KLRG2: variants seen among roughly 807,000 people sequenced by gnomAD.
KLRG2 encodes killer cell lectin like receptor G2.
A neutral mutation model predicts 35.4 loss-of-function variants in KLRG2; 39 were observed. That is an observed-to-expected ratio of 1.10 (90% CI 0.85 to 1.44). The LOEUF (loss-of-function observed/expected upper bound fraction) is 1.44. Ranked by LOEUF, KLRG2 falls within the 40% of genes most tolerant of loss-of-function variation. KLRG2 has a pLI of 0.00. For missense variants in KLRG2, 632 were observed against 570.9 expected (o/e 1.11, Z -1.09); for synonymous variants, 283 against 265.8 (o/e 1.06, Z -0.63).
At chr7:139,460,039 CGCGCCTG>C (rs1796542425) in intron 3 of KLRG2, among the ~76,000 whole-genome samples, 1 of 152,116 alleles carries the variant, frequency 6.6e-6, no homozygotes, top group African/African-American at 2.4e-5. Context: ...TGTGAGCCCC[CGCGCCTG>C]GCCATATTTG....
the KLRG2 span, among the ~76,000 whole-genome samples, chr7:139,428,416 A>T: frequency 7.2e-5 from 11 of 151,962 alleles, no homozygotes; most frequent in Middle Eastern, 6.8e-3. Flanking sequence ...CTAATTTTTT[A>T]AAAAATTTTT....
At chr7:139,449,130 G>C (rs543695164), downstream of KLRG2, among the ~76,000 whole-genome samples, 2 of 144,904 alleles carry the variant, frequency 1.4e-5, no homozygotes, top group African/African-American at 5.2e-5. Flanking sequence ...TGTTGGGCGT[G>C]GTGGCTCACG....
the KLRG2 span, among the ~76,000 whole-genome samples, chr7:139,430,702 C>T: frequency 2.6e-5 from 4 of 152,176 alleles, no homozygotes; most frequent in South Asian, 6.2e-4. Flanking sequence ...GCGGAAATAT[C>T]CATCAATTAG....
chr7:139,454,112 G>T lies in KLRG2; in HGVS notation c.1108C>A (p.Leu370Ile). Residue 370 changes from leucine to isoleucine, a missense_variant and splice_region_variant, in exon 4 of 5, where the codon CTA (leucine) becomes ATA (isoleucine). Coordinates refer to ENST00000340940, the MANE Select transcript of KLRG2 (RefSeq NM_198508.4). ...WIDEAPLPPQ[L>I]LPEDGEDNLD... Reference sequence around the variant, plus strand: ...GGAGAAAAGCCCGTGGTCACTCACAGCTGGGGCGGGAGTGGGGCCTCGTCG... The same window carrying T: ...GGAGAAAAGCCCGTGGTCACTCACATCTGGGGCGGGAGTGGGGCCTCGTCG... The T allele has an allele frequency of 6.6e-7, 1 of 1,520,946 alleles. No homozygotes were observed. Among genetic ancestry groups the T allele is most frequent in the Non-Finnish European group, 8.9e-7 (1 of 1,119,836 alleles). 94.2% of individuals were successfully genotyped at this position (1,520,946 alleles called of 1,614,324 possible). A position where few individuals can be genotyped will look rare whatever the true frequency, so the allele number is the denominator to read the frequency against.
the KLRG2 span, among the ~76,000 whole-genome samples, chr7:139,430,012 G>T: frequency 6.6e-6 from 1 of 152,300 alleles, no homozygotes; most frequent in East Asian, 1.9e-4. Context: ...CTCAAAATAC[G>T]ATCTCTAAAC....
intron 3 of KLRG2, among the ~76,000 whole-genome samples, chr7:139,466,559 C>G (rs553233259): frequency 1.3e-5 from 2 of 152,154 alleles, no homozygotes; most frequent in South Asian, 4.2e-4. Context: ...TACTTTTATA[C>G]TCACTCTTAC....
the KLRG2 span, among the ~76,000 whole-genome samples, chr7:139,440,411 CTTT>C: frequency 2.5e-5 from 1 of 40,506 alleles, no homozygotes; most frequent in Non-Finnish European, 4.2e-5. Flanking sequence ...CCACACCTGG[CTTT>C]TTTTTTTTTT....
chr7:139,435,684 GGA>G, the KLRG2 span, among the ~76,000 whole-genome samples: 1 of 152,108 alleles, frequency 6.6e-6, no homozygotes, highest in Non-Finnish European at 1.5e-5. Flanking sequence ...TTATATAAAT[GGA>G]GTTATTGGCA....
chr7:139,443,624 C>G, the KLRG2 span, among the ~76,000 whole-genome samples: 2 of 151,638 alleles, frequency 1.3e-5, no homozygotes, highest in Non-Finnish European at 2.9e-5. Context: ...TGCAATGGCA[C>G]GATCTCAGCT....
In KLRG2 at chr7:139,483,217, T is replaced by C; in HGVS notation, c.426A>G (p.Pro142=). The change falls in exon 1 of 5, where the codon CCA becomes CCG. Residue 142 remains proline, a synonymous_variant. Coordinates refer to ENST00000340940, the MANE Select transcript of KLRG2 (RefSeq NM_198508.4). ...PVGAAGGSST[P]SPRPSTRFLK... Reference sequence around the variant, plus strand: ...GGAAGCGCGTGGAGGGCCTGGGCGATGGCGTGCTGCTGCCACCGGCCGCGC... The same window carrying C: ...GGAAGCGCGTGGAGGGCCTGGGCGACGGCGTGCTGCTGCCACCGGCCGCGC... The C allele has an allele frequency of 6.5e-7, 1 of 1,531,738 alleles. No homozygotes were observed. Among genetic ancestry groups the C allele is most frequent in the Non-Finnish European group, 8.7e-7 (1 of 1,149,516 alleles). 94.9% of individuals were successfully genotyped at this position (1,531,738 alleles called of 1,614,324 possible).
chr7:139,467,228 G>A (rs897066682), intron 3 of KLRG2, among the ~76,000 whole-genome samples: 3 of 151,712 alleles, frequency 2.0e-5, no homozygotes, highest in Non-Finnish European at 4.4e-5. Flanking sequence ...CAAAATTTTC[G>A]CCGCCCCAAC....
chr7:139,440,400 A>C, the KLRG2 span, among the ~76,000 whole-genome samples: 2 of 119,980 alleles, frequency 1.7e-5, no homozygotes, highest in African/African-American at 3.5e-5. Flanking sequence ...GGTGTGTGCC[A>C]CCACACCTGG....
At chr7:139,441,744 G>T in the KLRG2 span, among the ~76,000 whole-genome samples, 1 of 152,112 alleles carries the variant, frequency 6.6e-6, no homozygotes, top group Non-Finnish European at 1.5e-5. Flanking sequence ...TTGCACTGCA[G>T]CCCAGGCAAC....
chr7:139,480,745 CTTTT>C (rs34710698), intron 1 of KLRG2, among the ~76,000 whole-genome samples: 44 of 112,938 alleles, frequency 3.9e-4, no homozygotes, highest in African/African-American at 1.5e-3. Context: ...GCGTCTGGCC[CTTTT>C]TTTTTTTTTT....
the KLRG2 span, among the ~76,000 whole-genome samples, chr7:139,443,795 C>T: frequency 6.6e-6 from 1 of 152,074 alleles, no homozygotes; most frequent in Non-Finnish European, 1.5e-5. Flanking sequence ...CTCCTGACCT[C>T]GTCCGCCCAC....
In KLRG2 at chr7:139,480,107, C is replaced by A. The variant is rs772374893; in HGVS notation, c.859+39G>T. The A allele has an allele frequency of 9.8e-6, 13 of 1,322,096 alleles. No individual in the cohort carries two copies. In the African/African-American group the frequency reaches 1.7e-4, roughly 18 times the overall value. The allele number at this position is 1,322,096 out of a possible 1,614,324, so 81.9% of individuals were successfully genotyped here. On this transcript the variant is annotated intron_variant, in intron 2 of 4. Transcript: ENST00000340940. ...TGGAAACACAGCCCCAGTAGTGGAGCGGCAGGGAGAGGGGATGGGGACTGC... is the reference window on the plus strand; with the variant it reads ...TGGAAACACAGCCCCAGTAGTGGAGAGGCAGGGAGAGGGGATGGGGACTGC...
chr7:139,450,211 G>C (rs2116414793), downstream of KLRG2, among the ~76,000 whole-genome samples: 1 of 148,078 alleles, frequency 6.8e-6, no homozygotes, highest in South Asian at 2.1e-4. Context: ...CCTGGCTAAT[G>C]TTTGTTTTTT....
In KLRG2 at chr7:139,453,507, G is replaced by A. The variant is rs1234402712; in HGVS notation, c.*80C>T. The A allele has an allele frequency of 6.8e-7, 1 of 1,462,334 alleles. No individual in the cohort carries two copies. Among genetic ancestry groups the A allele is most frequent in the South Asian group, 1.2e-5 (1 of 81,166 alleles). 90.6% of individuals were successfully genotyped at this position (1,462,334 alleles called of 1,614,324 possible). On this transcript the variant is annotated 3_prime_UTR_variant, in exon 5 of 5. Coordinates refer to ENST00000340940, the MANE Select transcript of KLRG2 (RefSeq NM_198508.4). ...CCTGGATAACTGGGTCCAGGAAGAG[G>A]CTGCCCAAGCTCTCAACTGGCCTCC...
At chr7:139,430,902 G>C in the KLRG2 span, among the ~76,000 whole-genome samples, 2 of 151,892 alleles carry the variant, frequency 1.3e-5, no homozygotes, top group African/African-American at 4.8e-5. Flanking sequence ...CCAGCTACTT[G>C]GGAGGCTGAG....
Sources: allele counts gnomAD v4.1 joint callset (sites outside exome capture counted in the v4.1 genomes callset), GRCh38; gene constraint gnomAD v4.1.1; transcripts MANE v1.5; gene names NCBI Gene and HGNC (gene_info 2026-07-23, HGNC 2026-07-21).